Variants in FRMPD4 observed in about 807,000 individuals in gnomAD.
FRMPD4 encodes the protein FERM and PDZ domain-containing protein 4.
Under a neutral mutation model 94.1 loss-of-function variants are expected in FRMPD4, and 22 were observed. That is an observed-to-expected ratio of 0.23 (90% CI 0.17 to 0.33). The LOEUF is 0.33. Ranked by LOEUF, FRMPD4 falls within the 10% of genes least tolerant of loss-of-function variation. The pLI is 1.00. For missense variants in FRMPD4, 1,111 were observed against 1,339.9 expected, an observed-to-expected ratio of 0.83 and a Z score of 2.67; for synonymous variants, 631 against 548.6, an observed-to-expected ratio of 1.15 and a Z score of -2.10.
At chrX:12,617,504 C>A (rs2059247093) in intron 4 of FRMPD4, among the ~76,000 whole-genome samples, 2 of 112,002 alleles carry the variant, frequency 1.8e-5, no homozygotes, top group African/African-American at 6.5e-5. Flanking sequence ...TATTCCTGTG[C>A]CTTCCCATAA....
intron 16 of FRMPD4, 107 bp downstream of exon 16, chrX:12,718,897 A>C: frequency 3.9e-6 from 2 of 517,272 alleles, no homozygotes; most frequent in Non-Finnish European, 6.7e-6. Flanking sequence ...TAAAAGGTAG[A>C]ATTTTAAAAG....
intron 3 of FRMPD4, among the ~76,000 whole-genome samples, chrX:12,126,924 A>G (rs2055505407): frequency 9.0e-6 from 1 of 111,208 alleles, no homozygotes; most frequent in Non-Finnish European, 1.9e-5. Context: ...CCATTGCTCT[A>G]TTGATAAAGC....
chrX:11,850,957 T>C (rs2053618051), intron 1 of FRMPD4, among the ~76,000 whole-genome samples: 1 of 112,251 alleles, frequency 8.9e-6, no homozygotes, highest in African/African-American at 3.2e-5. Context: ...ACATTTTATG[T>C]TGTGTATATT....
At chrX:12,155,473 T>A (rs1362488134) in intron 1 of FRMPD4, among the ~76,000 whole-genome samples, 1 of 107,306 alleles carries the variant, frequency 9.3e-6, no homozygotes, top group African/African-American at 3.4e-5. Flanking sequence ...GTAAACTCGA[T>A]TCAAGGTGTC....
rs757647914 is a variant in FRMPD4 at position 12,248,933 on chromosome X, G to A, written c.41+109921G>A. 5.3e-5 allele frequency among the ~76,000 whole-genome samples: 6 copies of A among 112,396 alleles called. No individual in the cohort carries two copies. The East Asian group carries it at 1.7e-3, about 32-fold the overall frequency. On this transcript the variant is annotated intron_variant, in intron 1 of 16. Transcript: ENST00000675598. ...ACATGCCTGTAATCCCAGCTACTCC[G>A]GAGACTGAGGCAGGAGAATCACTTG...
chrX:12,308,595 CA>C (rs1430294767), intron 1 of FRMPD4, among the ~76,000 whole-genome samples: 2 of 111,380 alleles, frequency 1.8e-5, no homozygotes, highest in Non-Finnish European at 3.8e-5. Flanking sequence ...GTGCTGGCAG[CA>C]GTTTGGAGTT....
intron 3 of FRMPD4, among the ~76,000 whole-genome samples, chrX:11,948,771 C>G (rs1158708364): frequency 3.6e-5 from 4 of 111,861 alleles, no homozygotes; most frequent in Non-Finnish European, 7.5e-5. Context: ...TTAGAAAGAT[C>G]TTCAGCAGCA....
At chrX:12,626,941 T>C (rs2059352329) in intron 4 of FRMPD4, among the ~76,000 whole-genome samples, 1 of 110,797 alleles carries the variant, frequency 9.0e-6, no homozygotes, top group African/African-American at 3.3e-5. Context: ...TCCTGCCTAA[T>C]GTTAGATGGA....
At chrX:12,588,480 G>A (rs972897952) in intron 2 of FRMPD4, among the ~76,000 whole-genome samples, 11 of 112,446 alleles carry the variant, frequency 9.8e-5, no homozygotes, top group African/African-American at 3.6e-4. Flanking sequence ...TTTATGTTCA[G>A]TATGTAAGTC....
At chrX:12,702,116 A>G in intron 10 of FRMPD4, 106 bp downstream of exon 10, 1 of 811,206 alleles carries the variant, frequency 1.2e-6, no homozygotes. Context: ...GTGTCAAAGC[A>G]TTCATTCGCC....
intron 1 of FRMPD4, among the ~76,000 whole-genome samples, chrX:12,332,203 T>TAGAG (rs758336012): frequency 2.9e-5 from 2 of 67,952 alleles, no homozygotes; most frequent in South Asian, 5.8e-4. Context: ...TATATATATA[T>TAGAG]ATATAGAGAG....
intron 1 of FRMPD4, among the ~76,000 whole-genome samples, chrX:12,276,199 C>A (rs775342088): frequency 5.3e-5 from 6 of 112,546 alleles, no homozygotes; most frequent in Middle Eastern, 4.6e-3. Context: ...CTTAACTTTT[C>A]TTGTAGCTGT....
chrX:12,687,467 G>A (rs1005038867), intron 7 of FRMPD4, among the ~76,000 whole-genome samples: 4 of 111,414 alleles, frequency 3.6e-5, no homozygotes, highest in African/African-American at 1.3e-4. Flanking sequence ...TAGGCTTTGT[G>A]GGCCATTTGA....
chrX:12,438,854 A>G (rs1441292111), intron 1 of FRMPD4, among the ~76,000 whole-genome samples: 1 of 111,490 alleles, frequency 9.0e-6, no homozygotes, highest in Admixed American at 9.5e-5. Flanking sequence ...GAAGAGGAAC[A>G]CTGTGAGGTA....
chrX:11,837,421 A>G (rs139443978), intron 1 of FRMPD4, among the ~76,000 whole-genome samples: 135 of 111,752 alleles, frequency 1.2e-3, no homozygotes, highest in East Asian at 0.01. Context: ...GAGATGATAC[A>G]TTTCTTCTAC....
At chrX:12,379,425 T>C (rs908749338) in intron 1 of FRMPD4, among the ~76,000 whole-genome samples, 5 of 111,759 alleles carry the variant, frequency 4.5e-5, no homozygotes, top group African/African-American at 1.6e-4. Flanking sequence ...TATGTGGACA[T>C]GTGAGTCCAT....
At chrX:12,612,777 C>T (rs1362387599) in intron 3 of FRMPD4, among the ~76,000 whole-genome samples, 1 of 112,362 alleles carries the variant, frequency 8.9e-6, no homozygotes, top group Non-Finnish European at 1.9e-5. Flanking sequence ...ATTTGTTTGA[C>T]TGAATTTGAG....
chrX:12,265,952 C>T (rs1192740675), intron 1 of FRMPD4, among the ~76,000 whole-genome samples: 1 of 107,497 alleles, frequency 9.3e-6, no homozygotes, highest in Non-Finnish European at 1.9e-5. Flanking sequence ...CACGGTGAAA[C>T]ACCATCTCTA....
chrX:11,856,332 C>T (rs1344345888), intron 1 of FRMPD4, among the ~76,000 whole-genome samples: 2 of 111,875 alleles, frequency 1.8e-5, no homozygotes, highest in Non-Finnish European at 3.8e-5. Context: ...CTGAAACCAG[C>T]AGCACAGCAA....
Sources: gnomAD v4.1 joint callset for allele counts (sites outside exome capture counted in the v4.1 genomes callset) on GRCh38, gnomAD v4.1.1 for gene constraint, MANE v1.5 for transcripts, NCBI Gene and HGNC (gene_info 2026-07-23, HGNC 2026-07-21) for gene names.